Variants in WDR70 observed in about 807,000 individuals in gnomAD.
The protein encoded by WDR70 is WD repeat-containing protein 70.
In WDR70, 53 loss-of-function variants were observed where a neutral mutation model predicts 88.6. The ratio of observed to expected loss-of-function variants is 0.60; its 90% CI spans 0.48 to 0.75. The LOEUF is 0.75. Among genes scored for constraint, WDR70 ranks in the 30% least tolerant of loss-of-function variants. WDR70 has a pLI of 0.00. For synonymous variants in WDR70, 280 were observed against 270.0 expected (o/e 1.04, Z -0.36); for missense variants, 610 against 823.2 (o/e 0.74, Z 3.17).
intron 7 of WDR70, among the ~76,000 whole-genome samples, chr5:37,445,168 T>A (rs1738417990): frequency 6.6e-6 from 1 of 152,242 alleles, no homozygotes; most frequent in Non-Finnish European, 1.5e-5. Context: ...GCATGTATTG[T>A]CTAGCTGTTT....
chr5:37,494,342 G>A (rs1218812468), intron 8 of WDR70, among the ~76,000 whole-genome samples: 1 of 152,158 alleles, frequency 6.6e-6, no homozygotes, highest in African/African-American at 2.4e-5. Context: ...AAGAATTATG[G>A]AAGTATTACG....
At position 37,725,401 on chromosome 5, in the gene WDR70, A is replaced by G. The variant is rs376558134; in HGVS notation, c.1714+351A>G. On this transcript the variant is annotated intron_variant, in intron 16 of 17. Transcript: ENST00000265107. ...GCTCTCAATATTGGCTTAATGTACA[A>G]CACTGGGCACTTTGACCAGAATCCA... Among the ~76,000 whole-genome samples the G allele has an allele frequency of 3.0e-4, 45 of 152,156 alleles. 2 individuals carry two copies. The South Asian group carries it at 9.1e-3, about 31-fold the overall frequency.
At chr5:37,435,629 C>A (rs1750443908) in intron 5 of WDR70, among the ~76,000 whole-genome samples, 1 of 152,104 alleles carries the variant, frequency 6.6e-6, no homozygotes, top group African/African-American at 2.4e-5. Context: ...TGTATTGTTG[C>A]AATCTTCAAT....
intron 11 of WDR70, among the ~76,000 whole-genome samples, chr5:37,699,396 T>TACACACACAC (rs1181980288): frequency 0.035 from 706 of 20,096 alleles, 6 homozygotes; most frequent in South Asian, 0.31. Context: ...TGTGTGTATA[T>TACACACACAC]ATATATACAC....
chr5:37,441,383 C>T (rs4869433), intron 6 of WDR70, among the ~76,000 whole-genome samples: 61,252 of 151,948 alleles, frequency 0.4, 15,016 homozygotes, highest in Non-Finnish European at 0.54. Context: ...GTATGATTCC[C>T]TTATATTATG....
intron 10 of WDR70, among the ~76,000 whole-genome samples, chr5:37,615,908 AC>A (rs1744326447): frequency 6.6e-6 from 1 of 151,950 alleles, no homozygotes; most frequent in East Asian, 1.9e-4. Flanking sequence ...TACCCTCATC[AC>A]CTTTAACTTG....
chr5:37,394,903 C>G (rs1748962039), intron 4 of WDR70, among the ~76,000 whole-genome samples: 1 of 152,066 alleles, frequency 6.6e-6, no homozygotes, highest in Admixed American at 6.6e-5. Context: ...TAAGGGTAAC[C>G]TGAATGTGAG....
intron 9 of WDR70, among the ~76,000 whole-genome samples, chr5:37,594,218 C>T (rs945114658): frequency 2.6e-5 from 4 of 152,164 alleles, no homozygotes; most frequent in African/African-American, 9.7e-5. Context: ...AGTCCTTGCC[C>T]ATGCCTATGT....
chr5:37,428,873 T>A (rs533266247), intron 5 of WDR70, among the ~76,000 whole-genome samples: 1 of 152,224 alleles, frequency 6.6e-6, no homozygotes, highest in Non-Finnish European at 1.5e-5. Flanking sequence ...CCTGCAAAAT[T>A]GGAGAATTCT....
At chr5:37,721,052 C>A in intron 13 of WDR70, 63 bp from the exon 14 acceptor site, 1 of 1,402,724 alleles carries the variant, frequency 7.1e-7, no homozygotes, top group Non-Finnish European at 1.0e-6. Flanking sequence ...ATCAAAGTAC[C>A]AGCAGGATTG....
chr5:37,569,254 A>G (rs1742832887), intron 9 of WDR70, among the ~76,000 whole-genome samples: 1 of 152,210 alleles, frequency 6.6e-6, no homozygotes, highest in Non-Finnish European at 1.5e-5. Flanking sequence ...TTATTAATGC[A>G]TCAGTGTCTA....
At chr5:37,521,203 A>G (rs1741074214) in intron 9 of WDR70, among the ~76,000 whole-genome samples, 1 of 152,242 alleles carries the variant, frequency 6.6e-6, no homozygotes, top group Admixed American at 6.5e-5. Context: ...GCCTTTCCCA[A>G]ATAGATTTCC....
Position 37,623,933 on chromosome 5 carries a change from G to A in WDR70, c.1092+18695G>A, listed in dbSNP as rs145977584. On this transcript the variant is annotated intron_variant, in intron 10 of 17. Transcript: ENST00000265107. ...ACATATCCATGGCATACATAGTGACGAATTGATCCTTTCCTTCACTTCACT... is the reference window on the plus strand; with the variant it reads ...ACATATCCATGGCATACATAGTGACAAATTGATCCTTTCCTTCACTTCACT... Among the ~76,000 whole-genome samples the A allele has an allele frequency of 8.2e-4, 124 of 152,100 alleles. No homozygotes were observed. In the East Asian group the frequency reaches 8.5e-3, roughly 10 times the overall value.
intron 14 of WDR70, chr5:37,721,607 T>G (rs1747818223): frequency 5.7e-6 from 1 of 176,740 alleles, no homozygotes; most frequent in Non-Finnish European, 1.2e-5. Flanking sequence ...TTTGCTTCTT[T>G]CTTTTTTGGC....
At chr5:37,419,904 A>G (rs1467410565) in intron 5 of WDR70, among the ~76,000 whole-genome samples, 1 of 152,082 alleles carries the variant, frequency 6.6e-6, no homozygotes, top group Non-Finnish European at 1.5e-5. Context: ...TACTTTATTT[A>G]TTGATTACAT....
chr5:37,428,292 C>G (rs1750197496), intron 5 of WDR70, among the ~76,000 whole-genome samples: 1 of 152,106 alleles, frequency 6.6e-6, no homozygotes, highest in African/African-American at 2.4e-5. Flanking sequence ...AGTTTACACA[C>G]AGTAAAATGC....
chr5:37,435,888 A>G (rs1205406425), intron 5 of WDR70, among the ~76,000 whole-genome samples: 2 of 152,082 alleles, frequency 1.3e-5, no homozygotes, highest in Non-Finnish European at 2.9e-5. Context: ...TATGTCTGCC[A>G]TATACCAGCT....
At chr5:37,735,328 G>A (rs896499536) in intron 17 of WDR70, among the ~76,000 whole-genome samples, 5 of 151,986 alleles carry the variant, frequency 3.3e-5, no homozygotes, top group African/African-American at 1.2e-4. Context: ...AAATGAATTC[G>A]TGCTAGCATA....
intron 7 of WDR70, among the ~76,000 whole-genome samples, chr5:37,455,961 T>G (rs1212022730): frequency 6.6e-6 from 1 of 152,172 alleles, no homozygotes; most frequent in African/African-American, 2.4e-5. Flanking sequence ...AGTACTCTTT[T>G]GTATGACTAT....
Sources: gnomAD v4.1 joint callset for allele counts (sites outside exome capture counted in the v4.1 genomes callset) on GRCh38, gnomAD v4.1.1 for gene constraint, MANE v1.5 for transcripts, NCBI Gene and HGNC (gene_info 2026-07-23, HGNC 2026-07-21) for gene names.